Variants in ITGA2 observed in about 807,000 individuals in gnomAD.
The protein encoded by ITGA2 is integrin alpha-2.
A neutral mutation model predicts 146.3 loss-of-function variants in ITGA2; 101 were observed. That is an observed-to-expected ratio of 0.69 (90% CI 0.59 to 0.81). The LOEUF (loss-of-function observed/expected upper bound fraction) is 0.81. ITGA2 is among the 40% of genes least tolerant of loss of function. The pLI is 0.00. For missense variants in ITGA2, 1,281 were observed against 1,402.7 expected (o/e 0.91, Z 1.39); for synonymous variants, 477 against 487.1 (o/e 0.98, Z 0.27).
At position 53,073,272 on chromosome 5, in the gene ITGA2, A is replaced by T. The variant is rs1488349231; in HGVS notation, c.2571+13A>T. ...ATTCTCCCTGCCGGTATGTGATGAG[A>T]CCCTGTACTTACTTCCACCATGCTT... On this transcript the variant is annotated intron_variant, in intron 20 of 29. Coordinates refer to ENST00000296585, the MANE Select transcript of ITGA2 (RefSeq NM_002203.4). The T allele has an allele frequency of 6.2e-7, 1 of 1,611,734 alleles. No individual in the cohort carries two copies. Among genetic ancestry groups the T allele is most frequent in the Admixed American group, 1.7e-5 (1 of 59,934 alleles).
chr5:53,044,678 G>A (rs11959632), intron 3 of ITGA2, among the ~76,000 whole-genome samples: 41,718 of 151,014 alleles, frequency 0.28, 5,795 homozygotes, highest in Admixed American at 0.32. Flanking sequence ...ACTTTCAAAA[G>A]AGAGGCAAAA....
chr5:53,031,694 A>G (rs1743231375), intron 2 of ITGA2, among the ~76,000 whole-genome samples: 2 of 152,196 alleles, frequency 1.3e-5, no homozygotes, highest in African/African-American at 4.8e-5. Context: ...AGCCTTTTTA[A>G]CAGTCTCAAG....
intron 18 of ITGA2, 79 bp downstream of exon 18, chr5:53,072,127 T>G: frequency 2.0e-6 from 2 of 1,000,746 alleles, no homozygotes; most frequent in Middle Eastern, 2.1e-4. Context: ...TGAAGGATGG[T>G]TAGGATGCAG....
intron 13 of ITGA2, among the ~76,000 whole-genome samples, chr5:53,064,561 T>C (rs1437774968): frequency 2.0e-5 from 3 of 151,906 alleles, no homozygotes; most frequent in African/African-American, 7.2e-5. Flanking sequence ...CTTTTTTAAA[T>C]AGATGGGGAC....
intron 1 of ITGA2, among the ~76,000 whole-genome samples, chr5:53,019,738 C>T (rs1228955593): frequency 1.3e-5 from 2 of 152,058 alleles, no homozygotes; most frequent in Non-Finnish European, 2.9e-5. Flanking sequence ...CTTGGCCAGG[C>T]TGGTCTTGAA....
chr5:53,070,857 G>A (rs1745359788), intron 17 of ITGA2, among the ~76,000 whole-genome samples: 1 of 151,776 alleles, frequency 6.6e-6, no homozygotes, highest in Admixed American at 6.6e-5. Context: ...ACCACATAAT[G>A]GCATTTGAAA....
intron 21 of ITGA2, among the ~76,000 whole-genome samples, chr5:53,074,818 A>G (rs1745584418): frequency 6.6e-6 from 1 of 151,936 alleles, no homozygotes. Context: ...CCAAATTCAG[A>G]CAGGTATATA....
At chr5:53,000,274 A>G (rs1741500204) in intron 1 of ITGA2, among the ~76,000 whole-genome samples, 1 of 152,126 alleles carries the variant, frequency 6.6e-6, no homozygotes. Flanking sequence ...TTGAGTATTA[A>G]TTTTATAAAT....
At chr5:52,999,813 T>C (rs1322566272) in intron 1 of ITGA2, among the ~76,000 whole-genome samples, 1 of 152,210 alleles carries the variant, frequency 6.6e-6, no homozygotes, top group Admixed American at 6.5e-5. Flanking sequence ...TATGTAGGTG[T>C]GTTAGATCTC....
chr5:53,021,168 GT>G (rs1332270119), intron 1 of ITGA2, among the ~76,000 whole-genome samples: 1 of 151,536 alleles, frequency 6.6e-6, no homozygotes, highest in Admixed American at 6.6e-5. Flanking sequence ...CACAATTGCT[GT>G]TTTTTTAATG....
intron 28 of ITGA2, 118 bp from the exon 29 acceptor site, chr5:53,089,828 G>C (rs1740325881): frequency 2.6e-6 from 2 of 761,508 alleles, no homozygotes; most frequent in Non-Finnish European, 4.8e-6. Context: ...TCATGAGCAA[G>C]TCTTGTCACC....
At chr5:53,049,909 G>T (rs990092211) in intron 6 of ITGA2, among the ~76,000 whole-genome samples, 2 of 151,994 alleles carry the variant, frequency 1.3e-5, no homozygotes, top group Non-Finnish European at 2.9e-5. Flanking sequence ...TTGCTTCTCT[G>T]CTTTCCTGTT....
At chr5:53,090,425 A>G in intron 29 of ITGA2, 94 bp from the exon 30 acceptor site, 1 of 964,454 alleles carries the variant, frequency 1.0e-6, no homozygotes, top group Non-Finnish European at 1.7e-6. Flanking sequence ...GGATTCCCAG[A>G]GGTGCATCAG....
chr5:53,048,341 T>C, intron 4 of ITGA2, 22 bp from the exon 5 acceptor site: 1 of 1,572,838 alleles, frequency 6.4e-7, no homozygotes, highest in Non-Finnish European at 8.8e-7. Flanking sequence ...TTTCCATTGA[T>C]TGTTTTCTCA....
At chr5:53,027,678 C>T (rs565400014) in intron 2 of ITGA2, among the ~76,000 whole-genome samples, 1 of 152,316 alleles carries the variant, frequency 6.6e-6, no homozygotes, top group South Asian at 2.1e-4. Flanking sequence ...CTTGTTGCAG[C>T]AGGAGGCTCC....
rs757879991 is a variant in ITGA2 at position 52,989,494 on chromosome 5, C to CGCCGCT, written c.35_40dup (p.Pro12_Leu13dup). 21 of 1,614,016 alleles carry CGCCGCT rather than the reference C, an allele frequency of 1.3e-5. No homozygotes were observed. Among genetic ancestry groups the CGCCGCT allele is most frequent in the Non-Finnish European group, 1.8e-5 (21 of 1,180,008 alleles). ...ATGGGGCCAGAACGGACAGGGGCCG[C>CGCCGCT]GCCGCTGCCGCTGCTGCTGGTGTTA... On this transcript the variant is annotated inframe_insertion, in exon 1 of 30. Transcript: ENST00000296585.
chr5:53,073,085 T>C, intron 19 of ITGA2, 33 bp from the exon 20 acceptor site: 1 of 1,607,412 alleles, frequency 6.2e-7, no homozygotes, highest in Non-Finnish European at 8.5e-7. Context: ...TTAACAGTAA[T>C]GGCTTTTCCC....
At chr5:53,031,891 C>T (rs1206288387) in intron 2 of ITGA2, among the ~76,000 whole-genome samples, 2 of 152,198 alleles carry the variant, frequency 1.3e-5, no homozygotes, top group Non-Finnish European at 2.9e-5. Flanking sequence ...AAACAATCTA[C>T]AAAGGATTGA....
intron 9 of ITGA2, among the ~76,000 whole-genome samples, chr5:53,057,215 T>C (rs1354633293): frequency 1.3e-5 from 2 of 152,000 alleles, no homozygotes; most frequent in Non-Finnish European, 2.9e-5. Flanking sequence ...TTTGCTATTA[T>C]GGACTTTGGG....
Sources: allele counts gnomAD v4.1 joint callset (sites outside exome capture counted in the v4.1 genomes callset), GRCh38; gene constraint gnomAD v4.1.1; transcripts MANE v1.5; gene names NCBI Gene and HGNC (gene_info 2026-07-23, HGNC 2026-07-21).